RSPH4A: variants seen among roughly 807,000 people sequenced by gnomAD.
RSPH4A encodes radial spoke head protein 4 homolog A.
Under a neutral mutation model 71.0 loss-of-function variants are expected in RSPH4A, and 47 were observed. The ratio of observed to expected loss-of-function variants is 0.66; its 90% CI spans 0.52 to 0.84. The LOEUF (loss-of-function observed/expected upper bound fraction) is 0.84, where lower values mean the gene tolerates loss of function less well. RSPH4A is among the 40% of genes least tolerant of loss of function. The pLI, the probability that RSPH4A is intolerant of heterozygous loss-of-function variation, is 0.00. For synonymous variants in RSPH4A, 282 were observed against 302.3 expected, an observed-to-expected ratio of 0.93 and a Z score of 0.70; for missense variants, 793 against 855.2, an observed-to-expected ratio of 0.93 and a Z score of 0.91.
chr6:116,629,726 C>T, intron 4 of RSPH4A, 24 bp downstream of exon 4: 4 of 1,578,006 alleles, frequency 2.5e-6, no homozygotes, highest in East Asian at 2.2e-5. Flanking sequence ...ACTATTATCA[C>T]ACACAGACAC....
Position 116,628,334 on chromosome 6 carries a change from A to G in RSPH4A, c.1627A>G (p.Asn543Asp). The G allele has an allele frequency of 6.2e-7, 1 of 1,613,028 alleles. No homozygotes were observed. Among genetic ancestry groups the G allele is most frequent in the Non-Finnish European group, 8.5e-7 (1 of 1,179,788 alleles). Reference sequence around the variant, plus strand: ...GATTGATCTAGTAGAATCCCTATCCAATTGGGTTCATCATGTACAGCATAT... The same window carrying G: ...GATTGATCTAGTAGAATCCCTATCCGATTGGGTTCATCATGTACAGCATAT... ...QVIDLVESLSNWVHHVQHILS... is the reference protein window; with the variant it reads ...QVIDLVESLSDWVHHVQHILS... The change falls in exon 3 of 6, where the codon AAT becomes GAT. Residue 543 changes from asparagine to aspartate, a missense_variant. Asn to Asp is a conservative substitution (Grantham distance 23, BLOSUM62 1). Coordinates refer to ENST00000229554, the MANE Select transcript of RSPH4A (RefSeq NM_001010892.3).
At chr6:116,628,462 C>T in intron 3 of RSPH4A, 93 bp downstream of exon 3, 2 of 999,094 alleles carry the variant, frequency 2.0e-6, no homozygotes, top group Non-Finnish European at 3.1e-6. Flanking sequence ...AAATAAAGGC[C>T]TTTGGACTCT....
intron 3 of RSPH4A, among the ~76,000 whole-genome samples, chr6:116,629,233 T>C (rs1168970654): frequency 6.6e-6 from 1 of 152,216 alleles, no homozygotes; most frequent in Admixed American, 6.5e-5. Flanking sequence ...TCATAATAGC[T>C]TTAGCTCTCT....
In RSPH4A at chr6:116,628,205, C is replaced by T. The variant is rs779913947; in HGVS notation, c.1498C>T (p.Leu500=). ...TTCAGCAGGAACCCACGTCAGTCCT[C>T]TAGGATTTTATCAGTTTGGTGAAGA... ...RISAGTHVSP[L]GFYQFGEEEG... Residue 500 remains leucine, a synonymous_variant, in exon 3 of 6, where the codon CTA becomes TTA. Coordinates refer to ENST00000229554, the MANE Select transcript of RSPH4A (RefSeq NM_001010892.3). The T allele has an allele frequency of 6.2e-7, 1 of 1,613,902 alleles. No individual in the cohort carries two copies. Among genetic ancestry groups the T allele is most frequent in the Non-Finnish European group, 8.5e-7 (1 of 1,179,972 alleles).
In RSPH4A at chr6:116,616,803, T is replaced by A. The variant is rs1213648348; in HGVS notation, c.180T>A (p.Pro60=). The A allele has an allele frequency of 6.2e-7, 1 of 1,614,140 alleles. No homozygotes were observed. The highest frequency in any genetic ancestry group is 1.1e-5 in the South Asian group (1 of 91,074). Residue 60 remains proline (P), a synonymous_variant, in exon 1 of 6, where the codon CCT becomes CCA. Transcript: ENST00000229554. The part of the protein sequence containing the change: ...ETGRQSRSSR[P]WSPQSRAKTP... ...GACGCCAGTCCCGAAGCAGCCGTCC[T>A]TGGAGCCCGCAGTCTAGAGCCAAGA...
intron 4 of RSPH4A, 117 bp from the exon 5 acceptor site, chr6:116,630,318 T>C (rs545784925): frequency 2.6e-6 from 2 of 759,328 alleles, no homozygotes; most frequent in African/African-American, 3.4e-5. Context: ...GTATCAAGTA[T>C]GTGTGTATCT....
chr6:116,616,663 CAAG>C lies in RSPH4A; in HGVS notation c.46_48del (p.Glu16del), dbSNP rs771322050. 9 of 1,613,848 alleles carry C rather than the reference CAAG, an allele frequency of 5.6e-6. No individual in the cohort carries two copies. Among genetic ancestry groups the C allele is most frequent in the East Asian group, 2.2e-5 (1 of 44,882 alleles). On this transcript the variant is annotated inframe_deletion, in exon 1 of 6. Coordinates refer to ENST00000229554, the MANE Select transcript of RSPH4A (RefSeq NM_001010892.3). ...CTCCCCGAAGCAAGAAAAAGAAAAC[CAAG>C]AAGAACTAGGGGAAACAAGGCGGCC...
intron 3 of RSPH4A, among the ~76,000 whole-genome samples, chr6:116,629,173 C>A (rs1185148200): frequency 1.3e-5 from 2 of 152,012 alleles, no homozygotes; most frequent in Non-Finnish European, 2.9e-5. Context: ...AAACCCTAAA[C>A]CTCCATAAAT....
chr6:116,627,448 A>C (rs753272395), intron 2 of RSPH4A, among the ~76,000 whole-genome samples, 181 bp from the exon 3 acceptor site: 45 of 152,122 alleles, frequency 3.0e-4, no homozygotes, highest in Non-Finnish European at 5.9e-4. Flanking sequence ...CACCAGCCTT[A>C]GCCTCCCAAA....
rs1319995163 is a variant in RSPH4A at position 116,628,173 on chromosome 6, C to T, written c.1466C>T (p.Ala489Val). The T allele has an allele frequency of 5.6e-6, 9 of 1,614,086 alleles. No individual in the cohort carries two copies. Among genetic ancestry groups the T allele is most frequent in the African/African-American group, 1.3e-5 (1 of 74,992 alleles). Residue 489 changes from alanine (A) to valine (V), a missense_variant, in exon 3 of 6, where the codon GCC (alanine) becomes GTC (valine). Physicochemically the swap from Ala to Val is moderately conservative, Grantham distance 64 (BLOSUM62 0). Coordinates refer to ENST00000229554, the MANE Select transcript of RSPH4A (RefSeq NM_001010892.3). Reference protein sequence around the residue: ...NESNYLRAQIARISAGTHVSP... With the variant: ...NESNYLRAQIVRISAGTHVSP... The stretch of plus-strand genomic sequence containing the variant: ...AGTAATTATTTACGAGCACAAATTG[C>T]CCGAATTTCAGCAGGAACCCACGTC...
intron 2 of RSPH4A, among the ~76,000 whole-genome samples, chr6:116,627,150 T>C (rs1408995080): frequency 6.6e-6 from 1 of 152,224 alleles, no homozygotes; most frequent in Non-Finnish European, 1.5e-5. Flanking sequence ...GCTACATTTA[T>C]AAATAATGAG....
At position 116,627,941 on chromosome 6, in the gene RSPH4A, A is replaced by G; in HGVS notation, c.1234A>G (p.Lys412Glu). 6.2e-7 allele frequency: 1 copy of G among 1,614,188 alleles called. No individual in the cohort carries two copies. Among genetic ancestry groups the G allele is most frequent in the Admixed American group, 1.7e-5 (1 of 60,022 alleles). ...AGATGAATTACCAAAGTCCTTTTAC[A>G]AGGCCCCACAGGCTATACCAAAAGA... ...EEDELPKSFY[K>E]APQAIPKEES... The change falls in exon 3 of 6, where the codon AAG becomes GAG. Residue 412 changes from lysine to glutamate, a missense_variant. Transcript: ENST00000229554.
At position 116,623,097 on chromosome 6, in the gene RSPH4A, CTTGTTTTGTT is replaced by C. The variant is rs3033963; in HGVS notation, c.921+117_921+126del. 15,505 of 762,722 alleles carry C rather than the reference CTTGTTTTGTT, an allele frequency of 0.02. 254 individuals are homozygous for C. Among genetic ancestry groups the C allele is most frequent in the Non-Finnish European group, 0.026 (11,870 of 452,462 alleles). 47.2% of individuals were successfully genotyped at this position (762,722 alleles called of 1,614,324 possible). ...AATTCATACCAACTGTATTTTATAG[CTTGTTTTGTT>C]TTGTTTTGTTTTGTTTTGTTTAGAC... On this transcript the variant is annotated intron_variant, in intron 2 of 5. Coordinates refer to ENST00000229554, the MANE Select transcript of RSPH4A (RefSeq NM_001010892.3).
chr6:116,618,517 G>A (rs1379324718), intron 1 of RSPH4A, among the ~76,000 whole-genome samples: 1 of 152,136 alleles, frequency 6.6e-6, no homozygotes, highest in Non-Finnish European at 1.5e-5. Context: ...GTTGCTGTTG[G>A]TTTTGTCTTT....
intron 3 of RSPH4A, among the ~76,000 whole-genome samples, chr6:116,628,686 T>C (rs1285514690): frequency 6.6e-6 from 1 of 152,214 alleles, no homozygotes; most frequent in Non-Finnish European, 1.5e-5. Context: ...AATTACTCAA[T>C]TTTTATATGT....
In RSPH4A at chr6:116,627,988, C is replaced by A; in HGVS notation, c.1281C>A (p.Asn427Lys). The change falls in exon 3 of 6, where the codon AAC becomes AAA. Residue 427 changes from asparagine (N) to lysine (K), a missense_variant. Asn to Lys is a moderately conservative substitution (Grantham distance 94). Transcript: ENST00000229554. The part of the protein sequence containing the change: ...IPKEESRTGA[N>K]KYVYFVCNEP... ...AAGAAGAAAGTAGAACAGGTGCCAA[C>A]AAATATGTCTATTTTGTTTGCAATG... 1 of 1,614,172 alleles carries A rather than the reference C, an allele frequency of 6.2e-7. No homozygotes were observed. Among genetic ancestry groups the A allele is most frequent in the South Asian group, 1.1e-5 (1 of 91,076 alleles).
chr6:116,628,003 T>G lies in RSPH4A; in HGVS notation c.1296T>G (p.Phe432Leu). ...CAGGTGCCAACAAATATGTCTATTTTGTTTGCAATGAACCAGGAAGACCAT... is the reference window on the plus strand; with the variant it reads ...CAGGTGCCAACAAATATGTCTATTTGGTTTGCAATGAACCAGGAAGACCAT... Reference protein sequence around the residue: ...SRTGANKYVYFVCNEPGRPWV... With the variant: ...SRTGANKYVYLVCNEPGRPWV... The change falls in exon 3 of 6, where the codon TTT (phenylalanine) becomes TTG (leucine). Residue 432 changes from phenylalanine (F) to leucine (L), a missense_variant. Coordinates refer to ENST00000229554, the MANE Select transcript of RSPH4A (RefSeq NM_001010892.3). 1 of 1,614,224 alleles carries G rather than the reference T, an allele frequency of 6.2e-7. No homozygotes were observed. Among genetic ancestry groups the G allele is most frequent in the Non-Finnish European group, 8.5e-7 (1 of 1,180,036 alleles).
intron 1 of RSPH4A, 139 bp downstream of exon 1, chr6:116,617,448 ACT>A (rs1775530715): frequency 1.6e-6 from 1 of 644,074 alleles, no homozygotes; most frequent in Non-Finnish European, 2.7e-6. Flanking sequence ...TAATGACATA[ACT>A]CTGGATCACA....
intron 3 of RSPH4A, 71 bp downstream of exon 3, chr6:116,628,440 C>A: frequency 8.3e-7 from 1 of 1,199,638 alleles, no homozygotes; most frequent in Non-Finnish European, 1.2e-6. Context: ...CTATAATGCA[C>A]AAAGACATAC....
Sources: gnomAD v4.1 joint callset for allele counts (sites outside exome capture counted in the v4.1 genomes callset) on GRCh38, gnomAD v4.1.1 for gene constraint, MANE v1.5 for transcripts, NCBI Gene and HGNC (gene_info 2026-07-23, HGNC 2026-07-21) for gene names.